Variants in CST7 observed in about 807,000 individuals in gnomAD.
The protein encoded by CST7 is cystatin F.
CST7 carries 15 observed loss-of-function variants against 13.1 expected under a neutral mutation model. The ratio of observed to expected loss-of-function variants is 1.14; its 90% CI spans 0.77 to 1.76. The LOEUF is 1.76. Among genes scored for constraint, CST7 ranks in the 40% most tolerant of loss-of-function variants. The pLI, the probability that CST7 is intolerant of heterozygous loss-of-function variation, is 0.00. For synonymous variants in CST7, 75 were observed against 66.9 expected, an observed-to-expected ratio of 1.12 and a Z score of -0.59; for missense variants, 193 against 178.8, an observed-to-expected ratio of 1.08 and a Z score of -0.45.
Position 24,958,828 on chromosome 20 carries a change from G to A in CST7, c.244-100G>A, listed in dbSNP as rs543855111. ...ATGCTGGCCCACTTCCCTTCTCCTC[G>A]GTGGGCACCTGCACCACTGTCTTGA... On this transcript the variant is annotated intron_variant, in intron 2 of 3. Transcript: ENST00000480798. 2.6e-4 allele frequency: 217 copies of A among 844,730 alleles called. 5 individuals carry two copies. The South Asian group carries it at 2.9e-3, about 11-fold the overall frequency. 52.3% of individuals were successfully genotyped at this position (844,730 alleles called of 1,614,324 possible). A position where few individuals can be genotyped will look rare whatever the true frequency, so the allele number is the denominator to read the frequency against.
At chr20:24,952,579 T>A (rs1346528970) in intron 1 of CST7, among the ~76,000 whole-genome samples, 2 of 152,132 alleles carry the variant, frequency 1.3e-5, no homozygotes, top group Non-Finnish European at 2.9e-5. Context: ...CACCAGCACC[T>A]CTAAGCTGGA....
chr20:24,952,365 C>T (rs184782863), intron 1 of CST7, among the ~76,000 whole-genome samples: 74 of 152,230 alleles, frequency 4.9e-4, no homozygotes, highest in Admixed American at 4.4e-3. Context: ...GGGTTAAGGT[C>T]GGGACTGATC....
At chr20:24,956,313 C>T (rs1177502592) in intron 1 of CST7, among the ~76,000 whole-genome samples, 3 of 152,196 alleles carry the variant, frequency 2.0e-5, no homozygotes, top group African/African-American at 7.2e-5. Flanking sequence ...ACACTGACGT[C>T]CTGGCAAGGC....
In CST7 at chr20:24,958,827, C is replaced by T. The variant is rs993679851; in HGVS notation, c.244-101C>T. 30 of 840,526 alleles carry T rather than the reference C, an allele frequency of 3.6e-5. No individual in the cohort carries two copies. In the South Asian group the frequency reaches 4.2e-4, roughly 12 times the overall value. The allele number at this position is 840,526 out of a possible 1,614,324, so 52.1% of individuals were successfully genotyped here. On this transcript the variant is annotated intron_variant, in intron 2 of 3. Coordinates refer to ENST00000480798, the MANE Select transcript of CST7 (RefSeq NM_003650.4). ...GATGCTGGCCCACTTCCCTTCTCCT[C>T]GGTGGGCACCTGCACCACTGTCTTG... is the stretch of plus-strand genomic sequence containing the variant.
Position 24,949,452 on chromosome 20 carries a change from A to G in CST7, c.-54A>G. The stretch of plus-strand genomic sequence containing the variant: ...CTCCAACTGCCCCATGCTGCCTGAG[A>G]AGGCACTGCACGGCCACCCCCAACT... On this transcript the variant is annotated 5_prime_UTR_variant, in exon 1 of 4. Transcript: ENST00000480798. The G allele has an allele frequency of 6.2e-7, 1 of 1,613,372 alleles. No individual in the cohort carries two copies. The highest frequency in any genetic ancestry group is 8.5e-7 in the Non-Finnish European group (1 of 1,179,662).
chr20:24,950,191 G>A (rs371880058), intron 1 of CST7, among the ~76,000 whole-genome samples: 1 of 152,330 alleles, frequency 6.6e-6, no homozygotes, highest in Non-Finnish European at 1.5e-5. Flanking sequence ...CTGGGCCATG[G>A]CCTCCCTGGC....
At position 24,949,310 on chromosome 20, in the gene CST7, C is replaced by T. The variant is rs1194236457; in HGVS notation, c.-196C>T. 2 of 1,491,184 alleles carry T rather than the reference C, an allele frequency of 1.3e-6. No individual in the cohort carries two copies. The highest frequency in any genetic ancestry group is 2.1e-5 in the Admixed American group (1 of 46,730). 92.4% of individuals were successfully genotyped at this position (1,491,184 alleles called of 1,614,324 possible). ...CAAGAAGGCTCAGCACAGGCACAAACCATTGCCCGGCACTGGCCCGTGCTG... is the reference window on the plus strand; with the variant it reads ...CAAGAAGGCTCAGCACAGGCACAAATCATTGCCCGGCACTGGCCCGTGCTG... On this transcript the variant is annotated 5_prime_UTR_variant, in exon 1 of 4. Transcript: ENST00000480798.
In CST7 at chr20:24,957,004, G is replaced by GA. The variant is rs1442604917; in HGVS notation, c.71-283_71-282insA. ...GGGTGTCGGGGGGGACAGGTGAGGGGGCAGGTGAGGGGGGCAGGTGAGGGG... is the reference window on the plus strand; with the variant it reads ...GGGTGTCGGGGGGGACAGGTGAGGGGAGCAGGTGAGGGGGGCAGGTGAGGGG... On this transcript the variant is annotated intron_variant, in intron 1 of 3. Coordinates refer to ENST00000480798, the MANE Select transcript of CST7 (RefSeq NM_003650.4). 8.0e-4 allele frequency among the ~76,000 whole-genome samples: 7 copies of GA among 8,766 alleles called. No individual in the cohort carries two copies. The East Asian group carries it at 0.044, about 55-fold the overall frequency. The allele number at this position is 8,766 out of a possible 152,430, so 5.8% of individuals were successfully genotyped here. A position where few individuals can be genotyped will look rare whatever the true frequency, so the allele number is the denominator to read the frequency against.
chr20:24,952,063 A>C lies in CST7; in HGVS notation c.70+2488A>C, dbSNP rs537816785. 2.3e-4 allele frequency among the ~76,000 whole-genome samples: 35 copies of C among 152,310 alleles called. No individual in the cohort carries two copies. In the South Asian group the frequency reaches 6.2e-3, roughly 27 times the overall value. On this transcript the variant is annotated intron_variant, in intron 1 of 3. Coordinates refer to ENST00000480798, the MANE Select transcript of CST7 (RefSeq NM_003650.4). ...CCTGGGGAGCACTGGGAGCTGCCGC[A>C]GGCTGAGCCACCGTCTACGTGGCAA...
At chr20:24,959,597 A>G (rs1171333812) in intron 3 of CST7, 38 bp from the exon 4 acceptor site, 1 of 1,601,946 alleles carries the variant, frequency 6.2e-7, no homozygotes, top group Non-Finnish European at 8.6e-7. Context: ...CCCCGCAGGG[A>G]AAGTCTAAGC....
chr20:24,949,383 G>A lies in CST7; in HGVS notation c.-123G>A, dbSNP rs2087804625. ...ACAGACCACTGCCCCCACCTGCCCT[G>A]CGCCATCTACCCAAGAAGGCTCGGC... On this transcript the variant is annotated 5_prime_UTR_variant, in exon 1 of 4. Transcript: ENST00000480798. The A allele has an allele frequency of 6.3e-7, 1 of 1,586,572 alleles. No homozygotes were observed. The highest frequency in any genetic ancestry group is 1.3e-5 in the African/African-American group (1 of 74,416).
At position 24,958,969 on chromosome 20, in the gene CST7, CAGAACTACCTGCA is replaced by C. The variant is rs1278216400; in HGVS notation, c.290_302del (p.Thr97LysfsTer18). On this transcript the variant is annotated frameshift_variant, in exon 3 of 4. Coordinates refer to ENST00000480798, the MANE Select transcript of CST7 (RefSeq NM_003650.4). LOFTEE classifies it high-confidence loss of function. ...AATATATGCTGGAGGTGGAAATTGG[CAGAACTACCTGCA>C]AGAAAAACCAGCACCTGCGTCTGGA... is the stretch of plus-strand genomic sequence containing the variant. 6.2e-7 allele frequency: 1 copy of C among 1,613,990 alleles called. No individual in the cohort carries two copies. The highest frequency in any genetic ancestry group is 1.7e-5 in the Admixed American group (1 of 60,008).
intron 1 of CST7, among the ~76,000 whole-genome samples, chr20:24,953,824 T>G (rs189737426): frequency 6.8e-4 from 103 of 152,290 alleles, no homozygotes; most frequent in Middle Eastern, 6.8e-3. Flanking sequence ...CAGACGGATT[T>G]TATGTGCCTT....
In CST7 at chr20:24,959,783, G is replaced by A. The variant is rs972647011; in HGVS notation, c.*71G>A. On this transcript the variant is annotated 3_prime_UTR_variant, in exon 4 of 4. Coordinates refer to ENST00000480798, the MANE Select transcript of CST7 (RefSeq NM_003650.4). ...GCATGCTCCTTGTCCCCTCCCACCC[G>A]CCTCATGACCCAGCCTCACAGACCC... 27 of 1,473,664 alleles carry A rather than the reference G, an allele frequency of 1.8e-5. No homozygotes were observed. The highest frequency in any genetic ancestry group is 2.3e-5 in the East Asian group (1 of 44,158). 91.3% of individuals were successfully genotyped at this position (1,473,664 alleles called of 1,614,324 possible). A position where few individuals can be genotyped will look rare whatever the true frequency, so the allele number is the denominator to read the frequency against.
chr20:24,950,383 G>A (rs1180256542), intron 1 of CST7, among the ~76,000 whole-genome samples: 2 of 152,236 alleles, frequency 1.3e-5, no homozygotes, highest in Admixed American at 6.5e-5. Context: ...CTGTGCAGCA[G>A]GACCACTGAC....
chr20:24,957,026 G>GGA (rs1568806065), intron 1 of CST7, among the ~76,000 whole-genome samples: 17 of 102,828 alleles, frequency 1.7e-4, no homozygotes, highest in Admixed American at 2.7e-4. Context: ...GGGCAGGTGA[G>GGA]GGGAGCAGGT....
At position 24,949,481 on chromosome 20, in the gene CST7, C is replaced by T. The variant is rs761113696; in HGVS notation, c.-25C>T. 2 of 1,613,984 alleles carry T rather than the reference C, an allele frequency of 1.2e-6. No homozygotes were observed. Among genetic ancestry groups the T allele is most frequent in the Admixed American group, 1.7e-5 (1 of 60,004 alleles). On this transcript the variant is annotated 5_prime_UTR_variant, in exon 1 of 4. Transcript: ENST00000480798. ...CACTGCACGGCCACCCCCAACTGCC[C>T]CGCACTGTCCCTACCCGGGCAGCCA...
intron 1 of CST7, among the ~76,000 whole-genome samples, chr20:24,955,190 T>A (rs6050201): frequency 6.6e-6 from 1 of 151,906 alleles, no homozygotes; most frequent in East Asian, 1.9e-4. Context: ...GTTTTTTGTT[T>A]TAACTAAAAG....
At chr20:24,951,519 AAG>A (rs1387899964) in intron 1 of CST7, among the ~76,000 whole-genome samples, 3 of 152,192 alleles carry the variant, frequency 2.0e-5, no homozygotes, top group Non-Finnish European at 4.4e-5. Flanking sequence ...AGCAGCAAAA[AAG>A]AGATGGGAAC....
Sources: allele counts gnomAD v4.1 joint callset (sites outside exome capture counted in the v4.1 genomes callset), GRCh38; gene constraint gnomAD v4.1.1; transcripts MANE v1.5; gene names NCBI Gene and HGNC (gene_info 2026-07-23, HGNC 2026-07-21).